Variants in CSMD1 observed in about 807,000 individuals in gnomAD.
CSMD1 encodes CUB and Sushi multiple domains 1.
Under a neutral mutation model 417.5 loss-of-function variants are expected in CSMD1, and 213 were observed. The observed-to-expected ratio is 0.51, with a 90% CI of 0.46 to 0.57. The LOEUF is 0.57. Among genes scored for constraint, CSMD1 ranks in the 20% least tolerant of loss-of-function variants. The pLI, the probability that CSMD1 is intolerant of heterozygous loss-of-function variation, is 0.00. For missense variants in CSMD1, 6,923 were observed against 4,529.7 expected (o/e 1.53, Z -15.17); for synonymous variants, 2,862 against 1,736.8 (o/e 1.65, Z -16.11).
intron 5 of CSMD1, among the ~76,000 whole-genome samples, chr8:3,964,655 G>C (rs898005476): frequency 2.6e-5 from 4 of 152,108 alleles, no homozygotes; most frequent in African/African-American, 9.7e-5. Flanking sequence ...TATTCAAGTT[G>C]AGGTGTCTCT....
At chr8:4,020,061 G>A (rs1030599983) in intron 4 of CSMD1, among the ~76,000 whole-genome samples, 3 of 152,130 alleles carry the variant, frequency 2.0e-5, no homozygotes, top group African/African-American at 7.2e-5. Flanking sequence ...GGAAGGGAGA[G>A]GAGATAGAGA....
At chr8:4,362,036 G>C (rs780824472) in intron 3 of CSMD1, among the ~76,000 whole-genome samples, 2 of 152,008 alleles carry the variant, frequency 1.3e-5, no homozygotes, top group Non-Finnish European at 2.9e-5. Flanking sequence ...AAGGATTAGA[G>C]GTAGGATACA....
chr8:4,756,246 T>C (rs1739056238), intron 1 of CSMD1, among the ~76,000 whole-genome samples: 1 of 152,198 alleles, frequency 6.6e-6, no homozygotes, highest in Non-Finnish European at 1.5e-5. Context: ...AAATGGGTTA[T>C]ACAGAAAAGA....
Position 3,371,916 on chromosome 8 carries a change from C to G in CSMD1, c.2783-2546G>C, listed in dbSNP as rs531785480. 2.0e-5 allele frequency among the ~76,000 whole-genome samples: 3 copies of G among 152,284 alleles called. No individual in the cohort carries two copies. The East Asian group carries it at 5.8e-4, about 29-fold the overall frequency. The stretch of plus-strand genomic sequence containing the variant: ...ACATCCCACTTGAAATTAATGTATT[C>G]AACAAATCGTTATTGGGCACCTGCT... On this transcript the variant is annotated intron_variant, in intron 18 of 69. Coordinates refer to ENST00000635120, the MANE Select transcript of CSMD1 (RefSeq NM_033225.6).
intron 3 of CSMD1, among the ~76,000 whole-genome samples, chr8:4,141,387 C>A (rs1803780876): frequency 6.6e-6 from 1 of 151,120 alleles, no homozygotes; most frequent in Non-Finnish European, 1.5e-5. Context: ...TACCAAGAAG[C>A]TAAAGAAAGA....
intron 10 of CSMD1, among the ~76,000 whole-genome samples, chr8:3,523,674 C>CAT (rs34950142): frequency 0.22 from 33,740 of 151,002 alleles, 4,694 homozygotes; most frequent in African/African-American, 0.39. Flanking sequence ...TGCACACACA[C>CAT]GTACACCCAG....
chr8:3,803,207 G>C (rs1473713180), intron 5 of CSMD1, among the ~76,000 whole-genome samples: 4 of 151,596 alleles, frequency 2.6e-5, no homozygotes, highest in Non-Finnish European at 4.4e-5. Context: ...AATAATTTTT[G>C]AGTGATGACT....
intron 3 of CSMD1, among the ~76,000 whole-genome samples, chr8:4,122,795 A>G (rs7816211): frequency 0.21 from 32,531 of 152,102 alleles, 3,682 homozygotes; most frequent in Non-Finnish European, 0.23. Flanking sequence ...TCTTCCATCA[A>G]AAAAACAAAT....
chr8:4,250,442 G>C (rs774055264), intron 3 of CSMD1, among the ~76,000 whole-genome samples: 1 of 152,090 alleles, frequency 6.6e-6, no homozygotes, highest in East Asian at 1.9e-4. Context: ...GGGAACATGC[G>C]TAATACATGA....
At chr8:3,585,135 G>T (rs1800544041) in intron 9 of CSMD1, among the ~76,000 whole-genome samples, 1 of 152,078 alleles carries the variant, frequency 6.6e-6, no homozygotes, top group Non-Finnish European at 1.5e-5. Flanking sequence ...ACCCCTAGTG[G>T]TTATAGGGAC....
chr8:4,821,546 T>G (rs1439625943), intron 1 of CSMD1, among the ~76,000 whole-genome samples: 1 of 152,132 alleles, frequency 6.6e-6, no homozygotes, highest in African/African-American at 2.4e-5. Flanking sequence ...CAAAGAAAAC[T>G]TAAAGCATCA....
chr8:3,030,129 A>G (rs975780845), intron 50 of CSMD1, among the ~76,000 whole-genome samples: 5 of 152,108 alleles, frequency 3.3e-5, no homozygotes, highest in African/African-American at 1.2e-4. Flanking sequence ...CAGTTACTTA[A>G]GAAAGAGTAG....
At chr8:4,416,897 G>T (rs1015427063) in intron 3 of CSMD1, among the ~76,000 whole-genome samples, 2 of 151,882 alleles carry the variant, frequency 1.3e-5, no homozygotes, top group African/African-American at 4.8e-5. Flanking sequence ...TTCAAAACTG[G>T]GCATATCTAG....
At chr8:3,749,076 G>T (rs1415597427) in intron 6 of CSMD1, among the ~76,000 whole-genome samples, 1 of 152,200 alleles carries the variant, frequency 6.6e-6, no homozygotes, top group Non-Finnish European at 1.5e-5. Flanking sequence ...ATTTAGTAGT[G>T]AGGGGGCCCT....
chr8:3,369,993 T>C (rs1187283154), intron 18 of CSMD1, among the ~76,000 whole-genome samples: 5 of 152,224 alleles, frequency 3.3e-5, no homozygotes, highest in Non-Finnish European at 7.3e-5. Flanking sequence ...ATCTCATGGA[T>C]AGGTGTTTGC....
intron 3 of CSMD1, among the ~76,000 whole-genome samples, chr8:4,127,884 G>T (rs377570131): frequency 1.3e-5 from 2 of 152,094 alleles, no homozygotes; most frequent in Non-Finnish European, 2.9e-5. Flanking sequence ...CCAGCAAATG[G>T]TGAAGGCAGA....
chr8:4,471,345 T>C (rs1800518748), intron 2 of CSMD1, among the ~76,000 whole-genome samples: 1 of 152,316 alleles, frequency 6.6e-6, no homozygotes, highest in East Asian at 1.9e-4. Flanking sequence ...ATATCGCAGC[T>C]TATTTCTAGA....
intron 8 of CSMD1, among the ~76,000 whole-genome samples, chr8:3,591,155 T>G (rs1800827738): frequency 1.3e-5 from 2 of 152,212 alleles, no homozygotes. Context: ...GAACCGATTT[T>G]GTGTAAGATC....
At position 4,531,192 on chromosome 8, in the gene CSMD1, A is replaced by C. The variant is rs530241078; in HGVS notation, c.302+106150T>G. Among the ~76,000 whole-genome samples, 32 of 152,306 alleles carry C rather than the reference A, an allele frequency of 2.1e-4. No homozygotes were observed. In the South Asian group the frequency reaches 6.6e-3, roughly 32 times the overall value. ...CACCAAATGTATATATCGCCATGTA[A>C]TCAGTGACGTACAGTTGTTTTGCCA... On this transcript the variant is annotated intron_variant, in intron 2 of 69. Coordinates refer to ENST00000635120, the MANE Select transcript of CSMD1 (RefSeq NM_033225.6).
Sources: gnomAD v4.1 joint callset for allele counts (sites outside exome capture counted in the v4.1 genomes callset) on GRCh38, gnomAD v4.1.1 for gene constraint, MANE v1.5 for transcripts, NCBI Gene and HGNC (gene_info 2026-07-23, HGNC 2026-07-21) for gene names.